The following SRPX variants were observed in gnomAD, a reference collection of about 807,000 sequenced individuals.
The protein encoded by SRPX is sushi repeat containing protein X-linked, also known as sushi repeat-containing protein SRPX.
SRPX carries 24 observed loss-of-function variants against 38.1 expected under a neutral mutation model. The ratio of observed to expected loss-of-function variants is 0.63; its 90% CI spans 0.46 to 0.89. The LOEUF is 0.89. Among genes scored for constraint, SRPX ranks in the 40% least tolerant of loss-of-function variants. SRPX has a pLI of 0.00. For missense variants in SRPX, 416 were observed against 377.8 expected (o/e 1.10, Z -0.84); for synonymous variants, 184 against 153.8 (o/e 1.20, Z -1.45).
At chrX:38,178,378 A>C (rs1217567969) in intron 1 of SRPX, 34 bp from the exon 2 acceptor site, 15 of 1,131,345 alleles carry the variant, frequency 1.3e-5, no homozygotes, top group Non-Finnish European at 1.8e-5. Context: ...TGCAGCAAGA[A>C]AAGCCACATA....
chrX:38,164,522 G>A, intron 5 of SRPX, among the ~76,000 whole-genome samples: 1 of 112,380 alleles, frequency 8.9e-6, no homozygotes, highest in Non-Finnish European at 1.9e-5. Flanking sequence ...CCTTCAGTAA[G>A]GATTTACTGA....
At chrX:38,175,199 T>C (rs1296057966) in intron 2 of SRPX, among the ~76,000 whole-genome samples, 9 of 111,978 alleles carry the variant, frequency 8.0e-5, no homozygotes, top group African/African-American at 2.9e-4. Context: ...CACTGCCCCA[T>C]TGTCCCACAA....
chrX:38,164,197 C>T (rs1318855183), intron 5 of SRPX, among the ~76,000 whole-genome samples: 2 of 109,588 alleles, frequency 1.8e-5, no homozygotes, highest in African/African-American at 6.7e-5. Context: ...GGCTGGAGCA[C>T]GGTGGTGCAA....
chrX:38,185,499 G>A (rs1259750157), intron 1 of SRPX, among the ~76,000 whole-genome samples: 1 of 111,586 alleles, frequency 9.0e-6, no homozygotes, highest in Non-Finnish European at 1.9e-5. Flanking sequence ...AGAAAAACAT[G>A]ATTTAAAGAT....
In SRPX at chrX:38,156,960, A is replaced by G. The variant is rs1394541111; in HGVS notation, c.1025T>C (p.Leu342Pro). Residue 342 changes from leucine (L) to proline (P), a missense_variant, in exon 8 of 10, where the codon CTC (leucine) becomes CCC (proline). By Grantham distance (98) the Leu-to-Pro change is moderately conservative. Transcript: ENST00000378533. Reference sequence around the variant, plus strand: ...GGCTGTGGGTGTGGACACAATGAGGAGTCTCCTTTTCTCATAAAACTGATC... The same window carrying G: ...GGCTGTGGGTGTGGACACAATGAGGGGTCTCCTTTTCTCATAAAACTGATC... ...LLDQFYEKRR[L>P]LIVSTPTARN... The G allele has an allele frequency of 8.3e-7, 1 of 1,211,451 alleles. No homozygotes were observed. Among genetic ancestry groups the G allele is most frequent in the Admixed American group, 2.2e-5 (1 of 46,048 alleles).
chrX:38,211,502 C>T (rs1939318919), intron 1 of SRPX, among the ~76,000 whole-genome samples: 1 of 111,586 alleles, frequency 9.0e-6, no homozygotes, highest in African/African-American at 3.3e-5. Context: ...GAGTTTGAGA[C>T]CAGCCTGGCC....
intron 1 of SRPX, among the ~76,000 whole-genome samples, chrX:38,181,759 A>G (rs368957686): frequency 8.9e-6 from 1 of 111,872 alleles, no homozygotes; most frequent in African/African-American, 3.3e-5. Context: ...TGTTTCCTAT[A>G]TTAAACCTAA....
At chrX:38,193,299 T>C (rs1208156473) in intron 1 of SRPX, among the ~76,000 whole-genome samples, 1 of 111,927 alleles carries the variant, frequency 8.9e-6, no homozygotes, top group East Asian at 2.8e-4. Context: ...AACCTGTCAG[T>C]AATTGTTTTG....
At chrX:38,220,209 C>G (rs1215966855) in intron 1 of SRPX, among the ~76,000 whole-genome samples, 2 of 113,685 alleles carry the variant, frequency 1.8e-5, no homozygotes, top group African/African-American at 3.2e-5. Flanking sequence ...CCCGTGCCTT[C>G]CACAAAAGTC....
chrX:38,191,442 C>T (rs1181538370), intron 1 of SRPX, among the ~76,000 whole-genome samples: 1 of 111,314 alleles, frequency 9.0e-6, no homozygotes, highest in African/African-American at 3.3e-5. Context: ...CAATAAAATA[C>T]ATTAGATTAG....
chrX:38,211,624 T>G (rs761877019), intron 1 of SRPX, among the ~76,000 whole-genome samples: 1 of 110,176 alleles, frequency 9.1e-6, no homozygotes, highest in Admixed American at 9.7e-5. Context: ...CTCTTGAACC[T>G]TGGAGGTGGA....
At chrX:38,198,902 C>T (rs771664941) in intron 1 of SRPX, among the ~76,000 whole-genome samples, 2 of 110,420 alleles carry the variant, frequency 1.8e-5, no homozygotes, top group Admixed American at 1.9e-4. Context: ...CTGAACACAC[C>T]CATGTAAGAG....
chrX:38,175,754 T>A, intron 2 of SRPX, among the ~76,000 whole-genome samples: 1 of 111,916 alleles, frequency 8.9e-6, no homozygotes, highest in Middle Eastern at 4.6e-3. Flanking sequence ...ACTCAAGTAA[T>A]CTTCCCTGGA....
In SRPX at chrX:38,178,334, G is replaced by T; in HGVS notation, c.108C>A (p.Asp36Glu). 1.7e-6 allele frequency: 2 copies of T among 1,208,764 alleles called. No homozygotes were observed. Among genetic ancestry groups the T allele is most frequent in the Non-Finnish European group, 2.2e-6 (2 of 893,454 alleles). ...PPSRSFPGSGDSPLEDDEVGY... is the reference protein window; with the variant it reads ...PPSRSFPGSGESPLEDDEVGY... ...CGACTTCATCGTCTTCTAGTGGTGA[G>T]TCTCCCGATCCTACAATAAAAAAGA... is the stretch of plus-strand genomic sequence containing the variant. The change falls in exon 2 of 10, where the codon GAC becomes GAA. Residue 36 changes from aspartate to glutamate, a missense_variant. Physicochemically the swap from Asp to Glu is conservative, Grantham distance 45. Coordinates refer to ENST00000378533, the MANE Select transcript of SRPX (RefSeq NM_006307.5).
chrX:38,176,237 A>C (rs751650871), intron 2 of SRPX, among the ~76,000 whole-genome samples: 1 of 111,348 alleles, frequency 9.0e-6, no homozygotes, highest in East Asian at 2.8e-4. Flanking sequence ...AGGGGGAACT[A>C]ATGTATGTAT....
chrX:38,177,855 C>T (rs1312195529), intron 2 of SRPX, among the ~76,000 whole-genome samples: 3 of 111,942 alleles, frequency 2.7e-5, no homozygotes, highest in Non-Finnish European at 5.6e-5. Flanking sequence ...AGAAAGAGCA[C>T]GATGAAATGA....
At chrX:38,175,343 G>A (rs1016751424) in intron 2 of SRPX, among the ~76,000 whole-genome samples, 2 of 111,356 alleles carry the variant, frequency 1.8e-5, no homozygotes, top group South Asian at 3.8e-4. Context: ...AGGTAAGACC[G>A]CCATCATGTG....
rs1311556299 is a variant in SRPX, at chrX:38,156,930, T to A, written c.1055A>T (p.Asn352Ile). 1 of 1,208,863 alleles carries A rather than the reference T, an allele frequency of 8.3e-7. No homozygotes were observed. Among genetic ancestry groups the A allele is most frequent in the Admixed American group, 2.2e-5 (1 of 45,694 alleles). The change falls in exon 8 of 10, where the codon AAC becomes ATC. Residue 352 changes from asparagine (N) to isoleucine (I), a missense_variant. Coordinates refer to ENST00000378533, the MANE Select transcript of SRPX (RefSeq NM_006307.5). ...LLIVSTPTARNLLYRLQLGML... is the reference protein window; with the variant it reads ...LLIVSTPTARILLYRLQLGML... ...TCCTAGCTGGAGCCGGTAAAGGAGG[T>A]TTCGGGCTGTGGGTGTGGACACAAT...
intron 1 of SRPX, among the ~76,000 whole-genome samples, chrX:38,186,438 A>G (rs1266125733): frequency 2.7e-5 from 3 of 112,120 alleles, no homozygotes; most frequent in African/African-American, 9.7e-5. Flanking sequence ...AAATTCTAAC[A>G]TAATAAACAG....
Sources: allele counts gnomAD v4.1 joint callset (sites outside exome capture counted in the v4.1 genomes callset), GRCh38; gene constraint gnomAD v4.1.1; transcripts MANE v1.5; gene names NCBI Gene and HGNC (gene_info 2026-07-23, HGNC 2026-07-21).